GALNT17: variants seen among roughly 807,000 people sequenced by gnomAD.
The protein encoded by GALNT17 is polypeptide N-acetylgalactosaminyltransferase 17, also known as UDP-GalNAc:polypeptide N-acetylgalactosaminyltransferase-like 3.
A neutral mutation model predicts 63.7 loss-of-function variants in GALNT17; 29 were observed. That is an observed-to-expected ratio of 0.46 (90% CI 0.34 to 0.62). The LOEUF (loss-of-function observed/expected upper bound fraction) is 0.62. Among genes scored for constraint, GALNT17 ranks in the 20% least tolerant of loss-of-function variants. The probability of loss-of-function intolerance (pLI) is 0.01; values close to 1 mark genes in which losing one functional copy is unlikely to be tolerated. For missense variants in GALNT17, 603 were observed against 799.6 expected (o/e 0.75, Z 2.97); for synonymous variants, 305 against 318.3 (o/e 0.96, Z 0.45).
intron 5 of GALNT17, among the ~76,000 whole-genome samples, chr7:71,500,063 A>G (rs1441171736): frequency 1.3e-5 from 2 of 152,182 alleles, no homozygotes; most frequent in East Asian, 3.9e-4. Context: ...CTGTGAGTCA[A>G]TTAAACCTCT....
At chr7:71,538,190 G>A (rs547396015) in intron 5 of GALNT17, among the ~76,000 whole-genome samples, 4 of 152,174 alleles carry the variant, frequency 2.6e-5, no homozygotes, top group Admixed American at 6.5e-5. Context: ...AGAACACTTC[G>A]AGTGGTTAAA....
intron 2 of GALNT17, among the ~76,000 whole-genome samples, chr7:71,377,693 G>A (rs1792769612): frequency 6.6e-6 from 1 of 152,182 alleles, no homozygotes; most frequent in Admixed American, 6.5e-5. Flanking sequence ...ATGTGTCAAG[G>A]GAGGGACCTG....
chr7:71,501,801 C>T (rs1257775696), intron 5 of GALNT17, among the ~76,000 whole-genome samples: 1 of 152,158 alleles, frequency 6.6e-6, no homozygotes, highest in Admixed American at 6.5e-5. Context: ...CCTTCCTTCT[C>T]CCTCTTTCTC....
At chr7:71,692,474 T>C (rs1791469286) in intron 9 of GALNT17, among the ~76,000 whole-genome samples, 1 of 152,158 alleles carries the variant, frequency 6.6e-6, no homozygotes. Flanking sequence ...ATGTATTTAG[T>C]GCCTTACTCT....
intron 5 of GALNT17, among the ~76,000 whole-genome samples, chr7:71,549,631 A>G (rs1789041660): frequency 6.6e-6 from 1 of 152,162 alleles, no homozygotes; most frequent in Non-Finnish European, 1.5e-5. Flanking sequence ...TTAAGACTTC[A>G]TGTAAGTTTC....
chr7:71,453,509 C>T (rs1787303596), intron 5 of GALNT17, among the ~76,000 whole-genome samples: 1 of 152,172 alleles, frequency 6.6e-6, no homozygotes, highest in South Asian at 2.1e-4. Flanking sequence ...TCTCATGAGA[C>T]TTATTCACTA....
At chr7:71,253,723 A>G (rs1790241922) in intron 1 of GALNT17, among the ~76,000 whole-genome samples, 1 of 152,146 alleles carries the variant, frequency 6.6e-6, no homozygotes, top group African/African-American at 2.4e-5. Context: ...TTTGGCTTAC[A>G]TAGGTACAGG....
intron 1 of GALNT17, among the ~76,000 whole-genome samples, chr7:71,214,967 A>G (rs78206618): frequency 1.3e-5 from 2 of 152,184 alleles, no homozygotes; most frequent in East Asian, 1.9e-4. Flanking sequence ...ATTGAATTCT[A>G]CTTGATTCTC....
intron 1 of GALNT17, among the ~76,000 whole-genome samples, chr7:71,220,984 A>G (rs746313001): frequency 2.0e-5 from 3 of 152,182 alleles, no homozygotes; most frequent in Non-Finnish European, 4.4e-5. Context: ...TTTCCTAGAG[A>G]GGAAACTTCT....
At chr7:71,148,288 T>G (rs917461973) in intron 1 of GALNT17, among the ~76,000 whole-genome samples, 2 of 152,208 alleles carry the variant, frequency 1.3e-5, no homozygotes, top group African/African-American at 4.8e-5. Flanking sequence ...TCCTCATGAT[T>G]ACAAGATGGC....
chr7:71,143,064 C>T (rs1787946250), intron 1 of GALNT17, among the ~76,000 whole-genome samples: 1 of 151,956 alleles, frequency 6.6e-6, no homozygotes, highest in Non-Finnish European at 1.5e-5. Context: ...AATTTTCATG[C>T]ATGCACGATA....
At chr7:71,158,996 C>A (rs950113525) in intron 1 of GALNT17, among the ~76,000 whole-genome samples, 1 of 151,710 alleles carries the variant, frequency 6.6e-6, no homozygotes, top group African/African-American at 2.4e-5. Context: ...AAAATCTGCT[C>A]CTCGTCTGGT....
At chr7:71,554,152 A>C (rs188267611) in intron 5 of GALNT17, among the ~76,000 whole-genome samples, 2 of 152,146 alleles carry the variant, frequency 1.3e-5, no homozygotes, top group African/African-American at 4.8e-5. Context: ...GCTTCCTGAT[A>C]TGGTTTGGTT....
chr7:71,630,147 G>A (rs1365189238), intron 6 of GALNT17, among the ~76,000 whole-genome samples: 1 of 151,062 alleles, frequency 6.6e-6, no homozygotes, highest in Non-Finnish European at 1.5e-5. Context: ...AACTCAAGCA[G>A]TCCTCCCACC....
At chr7:71,138,403 T>C (rs1368795949) in intron 1 of GALNT17, among the ~76,000 whole-genome samples, 5 of 152,124 alleles carry the variant, frequency 3.3e-5, no homozygotes, top group Non-Finnish European at 4.4e-5. Context: ...GTCTTCATCC[T>C]GGTCATCTTC....
At chr7:71,264,756 C>T (rs751753333) in intron 1 of GALNT17, among the ~76,000 whole-genome samples, 19 of 151,832 alleles carry the variant, frequency 1.3e-4, no homozygotes, top group Admixed American at 6.6e-5. Context: ...TGTTCTCACT[C>T]ATATGTGGAA....
intron 1 of GALNT17, among the ~76,000 whole-genome samples, chr7:71,216,412 A>G (rs377535321): frequency 6.6e-6 from 1 of 152,144 alleles, no homozygotes; most frequent in East Asian, 1.9e-4. Context: ...GAAGCCTCAG[A>G]CCACACTTTG....
chr7:71,695,821 C>A (rs10254113), intron 9 of GALNT17, among the ~76,000 whole-genome samples: 1 of 152,090 alleles, frequency 6.6e-6, no homozygotes, highest in Non-Finnish European at 1.5e-5. Flanking sequence ...TCTTCTCAGG[C>A]CTGTATCCTC....
chr7:71,186,833 A>AGAGC, intron 1 of GALNT17, among the ~76,000 whole-genome samples: 1 of 152,100 alleles, frequency 6.6e-6, no homozygotes, highest in Admixed American at 6.6e-5. Flanking sequence ...GAAAATGAAT[A>AGAGC]TTTTCCCTAA....
Sources: allele counts gnomAD v4.1 joint callset (sites outside exome capture counted in the v4.1 genomes callset), GRCh38; gene constraint gnomAD v4.1.1; transcripts MANE v1.5; gene names NCBI Gene and HGNC (gene_info 2026-07-23, HGNC 2026-07-21).